The following LONP1 variants were observed in gnomAD, a reference collection of about 807,000 sequenced individuals.
LONP1 encodes lon protease homolog, mitochondrial.
LONP1 carries 31 observed loss-of-function variants against 98.5 expected under a neutral mutation model. The ratio of observed to expected loss-of-function variants is 0.31; its 90% CI spans 0.24 to 0.42. The LOEUF is 0.42. LONP1 is among the 20% of genes least tolerant of loss of function. The probability of loss-of-function intolerance (pLI) is 1.00; values close to 1 mark genes in which losing one functional copy is unlikely to be tolerated. For synonymous variants in LONP1, 781 were observed against 594.7 expected, an observed-to-expected ratio of 1.31 and a Z score of -4.56; for missense variants, 1,336 against 1,350.6, an observed-to-expected ratio of 0.99 and a Z score of 0.17.
chr19:5,707,665 C>T (rs1035220175), intron 6 of LONP1, 32 bp downstream of exon 6: 1 of 1,590,642 alleles, frequency 6.3e-7, no homozygotes, highest in African/African-American at 1.3e-5. Flanking sequence ...TGCAGCCAGG[C>T]GTGGGGGGCT....
At chr19:5,716,628 T>C (rs2055328760) in intron 1 of LONP1, among the ~76,000 whole-genome samples, 2 of 151,668 alleles carry the variant, frequency 1.3e-5, no homozygotes, top group South Asian at 2.1e-4. Context: ...CCCACTGTTA[T>C]AAGTAAAATG....
chr19:5,718,517 A>C (rs903680062), intron 1 of LONP1, among the ~76,000 whole-genome samples: 1 of 151,600 alleles, frequency 6.6e-6, no homozygotes, highest in Non-Finnish European at 1.5e-5. Flanking sequence ...GCGTTGGAGA[A>C]GCTCCCTCTG....
In LONP1 at chr19:5,711,965, C is replaced by T. The variant is rs1356522758; in HGVS notation, c.676G>A (p.Glu226Lys). ...ISRQLEVEPEEPEAENKHKPR... is the reference protein window; with the variant it reads ...ISRQLEVEPEKPEAENKHKPR... ...TTGTGCTTGTTCTCCGCCTCCGGCTCCTCGGGCTCCACCTCCAGCTGTCTG... is the reference window on the plus strand; with the variant it reads ...TTGTGCTTGTTCTCCGCCTCCGGCTTCTCGGGCTCCACCTCCAGCTGTCTG... Residue 226 changes from glutamate (E) to lysine (K), a missense_variant, in exon 4 of 18, where the codon GAG becomes AAG. Glu to Lys is a moderately conservative substitution (Grantham distance 56). Around this residue, in one of 5 missense-constraint regions of LONP1, gnomAD observed 457 missense variants for 403.1 expected, o/e 1.13. Transcript: ENST00000360614. 2 of 1,613,274 alleles carry T rather than the reference C, an allele frequency of 1.2e-6. No homozygotes were observed. The highest frequency in any genetic ancestry group is 1.7e-5 in the Admixed American group (1 of 60,018).
intron 10 of LONP1, 98 bp downstream of exon 10, chr19:5,698,929 G>T: frequency 2.3e-6 from 3 of 1,287,458 alleles, no homozygotes; most frequent in Admixed American, 2.7e-5. Flanking sequence ...CCCACAACCC[G>T]GATTGCTCTA....
intron 1 of LONP1, chr19:5,717,296 G>A (rs1218943803): frequency 6.6e-6 from 1 of 152,114 alleles, no homozygotes; most frequent in Non-Finnish European, 1.5e-5. Flanking sequence ...CATTTATTGG[G>A]TCCCAAAGAA....
intron 15 of LONP1, 94 bp downstream of exon 15, chr19:5,694,293 T>TGAG: frequency 6.6e-7 from 1 of 1,520,500 alleles, no homozygotes. Context: ...CAGAGCCACC[T>TGAG]GAGGCCCACT....
chr19:5,702,515 A>G (rs12975971), intron 8 of LONP1, among the ~76,000 whole-genome samples: 95,146 of 149,890 alleles, frequency 0.63, 30,961 homozygotes, highest in Middle Eastern at 0.71. Flanking sequence ...CAGCCGCCCC[A>G]TCTGGGAGGT....
chr19:5,701,519 G>A (rs1484109848), intron 8 of LONP1, among the ~76,000 whole-genome samples: 1 of 152,210 alleles, frequency 6.6e-6, no homozygotes, highest in Admixed American at 6.5e-5. Flanking sequence ...TTTTGGTGGA[G>A]ACGGGGTTTC....
intron 8 of LONP1, among the ~76,000 whole-genome samples, chr19:5,703,561 G>A (rs569589924): frequency 1.3e-5 from 2 of 152,042 alleles, no homozygotes; most frequent in East Asian, 3.9e-4. Context: ...GAGGAGGACG[G>A]CTTCCGAGGA....
chr19:5,704,447 C>T (rs141968301), intron 8 of LONP1, among the ~76,000 whole-genome samples: 2,337 of 152,276 alleles, frequency 0.015, 24 homozygotes, highest in Non-Finnish European at 0.023. Context: ...GAGACTCCGG[C>T]GACCGTGACA....
chr19:5,697,185 C>T (rs72979052), intron 10 of LONP1, among the ~76,000 whole-genome samples: 2,569 of 152,102 alleles, frequency 0.017, 27 homozygotes, highest in Non-Finnish European at 0.026. Flanking sequence ...CACAGGGGCC[C>T]GGCCCGCGAC....
chr19:5,697,645 G>C (rs959822252), intron 10 of LONP1, among the ~76,000 whole-genome samples: 4 of 151,554 alleles, frequency 2.6e-5, no homozygotes, highest in Admixed American at 2.0e-4. Context: ...GCTGCAGTGA[G>C]AACTTGGGCT....
At chr19:5,699,549 G>A (rs1206692751) in intron 9 of LONP1, among the ~76,000 whole-genome samples, 3 of 146,062 alleles carry the variant, frequency 2.1e-5, no homozygotes, top group Admixed American at 6.9e-5. Context: ...AATGCCTCTG[G>A]CTCCTGTTTT....
intron 10 of LONP1, among the ~76,000 whole-genome samples, chr19:5,698,097 G>A (rs1054690187): frequency 6.8e-6 from 1 of 146,544 alleles, no homozygotes; most frequent in African/African-American, 2.6e-5. Flanking sequence ...AGTCAATCTG[G>A]GACTCCCCAA....
At chr19:5,720,229 C>A (rs1345296308), upstream of LONP1, 1 of 1,376,926 alleles carries the variant, frequency 7.3e-7, no homozygotes, top group South Asian at 1.7e-5. Context: ...CCGATGGGCG[C>A]GTGGCTCGAA....
At chr19:5,696,549 G>GGGCC (rs1424540158) in intron 11 of LONP1, 121 bp downstream of exon 11, 9 of 1,295,946 alleles carry the variant, frequency 6.9e-6, no homozygotes, top group Non-Finnish European at 9.6e-6. Flanking sequence ...CGTGCCATCA[G>GGGCC]GGCCAGCATC....
At position 5,693,750 on chromosome 19, in the gene LONP1, CACAA is replaced by C. The variant is rs1381679942; in HGVS notation, c.2336_2339del (p.Phe779TrpfsTer5). 6.2e-7 allele frequency: 1 copy of C among 1,613,888 alleles called. No individual in the cohort carries two copies. Among genetic ancestry groups the C allele is most frequent in the Non-Finnish European group, 8.5e-7 (1 of 1,179,968 alleles). On this transcript the variant is annotated frameshift_variant, in exon 16 of 18. Coordinates refer to ENST00000360614, the MANE Select transcript of LONP1 (RefSeq NM_004793.4). LOFTEE classifies it high-confidence loss of function. The stretch of plus-strand genomic sequence containing the variant: ...CCTGTGGCCGTCTCAGGGATGTCTC[CACAA>C]ACAGCGTGGAGCCTCCTGAAACAGG...
chr19:5,704,160 C>T (rs925048291), intron 8 of LONP1, among the ~76,000 whole-genome samples: 9 of 152,128 alleles, frequency 5.9e-5, no homozygotes, highest in Admixed American at 3.9e-4. Flanking sequence ...GAAGAGGCTG[C>T]GCTGTGGCTG....
In LONP1 at chr19:5,705,930, G is replaced by C; in HGVS notation, c.1209C>G (p.Ile403Met). The C allele has an allele frequency of 6.2e-7, 1 of 1,614,032 alleles. No homozygotes were observed. The highest frequency in any genetic ancestry group is 2.2e-5 in the East Asian group (1 of 44,880). The change falls in exon 8 of 18, where the codon ATC becomes ATG. Residue 403 changes from isoleucine (I) to methionine (M), a missense_variant. Coordinates refer to ENST00000360614, the MANE Select transcript of LONP1 (RefSeq NM_004793.4). ...CCTTCTCCAGGCCCAGCTCCTTCTT[G>C]ATGATCTTTAGCTGCTCCTGCAGCA... ...KYLLQEQLKI[I>M]KKELGLEKDD...
Sources: gnomAD v4.1 joint callset for allele counts (sites outside exome capture counted in the v4.1 genomes callset) on GRCh38, gnomAD v4.1.1 for gene constraint, gnomAD v4.1.1 regional missense constraint, MANE v1.5 for transcripts, NCBI Gene and HGNC (gene_info 2026-07-23, HGNC 2026-07-21) for gene names.